HECW1: variants seen among roughly 807,000 people sequenced by gnomAD.
HECW1 encodes HECT, C2 and WW domain containing E3 ubiquitin protein ligase 1.
In HECW1, 61 loss-of-function variants were observed where a neutral mutation model predicts 182.3. The ratio of observed to expected loss-of-function variants is 0.33; its 90% confidence interval spans 0.27 to 0.41. HECW1 has a LOEUF of 0.41. Among genes scored for constraint, HECW1 ranks in the 10% least tolerant of loss-of-function variants. The probability of loss-of-function intolerance (pLI) is 1.00; values close to 1 mark genes in which losing one functional copy is unlikely to be tolerated. For synonymous variants in HECW1, 859 were observed against 832.6 expected (o/e 1.03, Z -0.55); for missense variants, 1,739 against 2,108.9 (o/e 0.82, Z 3.44).
chr7:43,178,556 A>G (rs769586000), intron 2 of HECW1, among the ~76,000 whole-genome samples: 5 of 152,346 alleles, frequency 3.3e-5, no homozygotes, highest in South Asian at 4.1e-4. Flanking sequence ...GCTGCTTTCT[A>G]TGATAGCTCA....
chr7:43,314,727 G>A (rs1456755687), intron 4 of HECW1, among the ~76,000 whole-genome samples: 3 of 152,136 alleles, frequency 2.0e-5, no homozygotes, highest in Non-Finnish European at 2.9e-5. Context: ...ACTTTCAACG[G>A]CATAGCATTT....
intron 26 of HECW1, among the ~76,000 whole-genome samples, chr7:43,546,616 CAA>C (rs3037095): frequency 0.21 from 28,873 of 136,426 alleles, 3,097 homozygotes; most frequent in Non-Finnish European, 0.26. Context: ...TGTCCAATAT[CAA>C]AAAAAAAAAA....
intron 28 of HECW1, among the ~76,000 whole-genome samples, chr7:43,554,372 CT>C (rs2081951074): frequency 1.3e-5 from 2 of 152,200 alleles, no homozygotes; most frequent in Admixed American, 1.3e-4. Flanking sequence ...ACATAAAGTC[CT>C]TTTATAAAAT....
At chr7:43,253,566 C>G (rs1310470591) in intron 3 of HECW1, among the ~76,000 whole-genome samples, 4 of 152,150 alleles carry the variant, frequency 2.6e-5, no homozygotes, top group African/African-American at 9.7e-5. Context: ...CTTTTAATAA[C>G]TCTGACTTAG....
intron 17 of HECW1, among the ~76,000 whole-genome samples, chr7:43,488,460 G>GAA (rs1338136062): frequency 2.1e-5 from 3 of 146,178 alleles, no homozygotes; most frequent in Non-Finnish European, 4.5e-5. Flanking sequence ...AAGAAAGAAA[G>GAA]AAAGAAAGAA....
chr7:43,175,735 A>G (rs1792164081), intron 2 of HECW1, among the ~76,000 whole-genome samples: 1 of 152,224 alleles, frequency 6.6e-6, no homozygotes, highest in Non-Finnish European at 1.5e-5. Context: ...CGAACAAGTC[A>G]TGAACGCACG....
intron 24 of HECW1, among the ~76,000 whole-genome samples, chr7:43,527,946 G>A (rs2080824323): frequency 6.6e-6 from 1 of 152,198 alleles, no homozygotes; most frequent in African/African-American, 2.4e-5. Context: ...GAGAACTAAT[G>A]ACTGAGGCTC....
intron 3 of HECW1, among the ~76,000 whole-genome samples, chr7:43,305,309 G>T (rs534960968): frequency 1.3e-5 from 2 of 152,222 alleles, no homozygotes; most frequent in African/African-American, 2.4e-5. Flanking sequence ...GAAGAAAAAA[G>T]TCCCTGTATT....
chr7:43,537,919 C>T (rs1032824510), intron 24 of HECW1, among the ~76,000 whole-genome samples: 2 of 152,188 alleles, frequency 1.3e-5, no homozygotes, highest in Non-Finnish European at 2.9e-5. Context: ...TGTTGGCAGT[C>T]TGCGCTGCAG....
chr7:43,423,675 G>GGTGAGCTGGAGCCAGCTCAT (rs1210357121), intron 8 of HECW1, among the ~76,000 whole-genome samples: 2 of 152,182 alleles, frequency 1.3e-5, no homozygotes, highest in African/African-American at 4.8e-5. Context: ...GGTGGTGGGT[G>GGTGAGCTGGAGCCAGCTCAT]GTGAGCTGGA....
At chr7:43,182,590 T>A (rs1254892066) in intron 2 of HECW1, among the ~76,000 whole-genome samples, 1 of 152,250 alleles carries the variant, frequency 6.6e-6, no homozygotes, top group Non-Finnish European at 1.5e-5. Flanking sequence ...AGTGGTATGA[T>A]GCCTCCAACT....
chr7:43,492,134 A>G lies in HECW1; in HGVS notation c.3294A>G (p.Leu1098=). 1 of 1,603,308 alleles carries G rather than the reference A, an allele frequency of 6.2e-7. No individual in the cohort carries two copies. The highest frequency in any genetic ancestry group is 8.5e-7 in the Non-Finnish European group (1 of 1,177,364). ...TACTGGCCAGGCCAGGACACAGCTT[A>G]GTAGCTGCTATTCGAAGCCAACATC... ...ASLLARPGHS[L]VAAIRSQHQH... Residue 1098 remains leucine, a synonymous_variant, in exon 18 of 30, where the codon TTA becomes TTG. Transcript: ENST00000395891.
intron 4 of HECW1, among the ~76,000 whole-genome samples, chr7:43,318,051 T>A (rs1809567295): frequency 6.6e-6 from 1 of 152,186 alleles, no homozygotes; most frequent in Non-Finnish European, 1.5e-5. Flanking sequence ...CACCAGTGTA[T>A]CCCCAGGGTT....
intron 12 of HECW1, among the ~76,000 whole-genome samples, chr7:43,452,479 A>G (rs2077266431): frequency 6.6e-6 from 1 of 152,246 alleles, no homozygotes; most frequent in South Asian, 2.1e-4. Context: ...AAAAATTGGT[A>G]ATGAATCCTA....
At chr7:43,192,605 C>T (rs1257776648) in intron 2 of HECW1, among the ~76,000 whole-genome samples, 1 of 152,084 alleles carries the variant, frequency 6.6e-6, no homozygotes, top group Non-Finnish European at 1.5e-5. Flanking sequence ...ATATTAATAA[C>T]TTACGCGTGC....
intron 2 of HECW1, among the ~76,000 whole-genome samples, chr7:43,139,174 C>T (rs746976123): frequency 9.9e-5 from 15 of 152,124 alleles, no homozygotes; most frequent in Non-Finnish European, 2.9e-5. Flanking sequence ...AAATACTGAC[C>T]TGACCCTAGG....
In HECW1 at chr7:43,450,704, A is replaced by G. The variant is rs73329806; in HGVS notation, c.2399-124A>G. 1,495 of 657,896 alleles carry G rather than the reference A, an allele frequency of 2.3e-3. 13 individuals are homozygous for G. The African/African-American group carries it at 0.024, about 10-fold the overall frequency. The allele number at this position is 657,896 out of a possible 1,614,324, so 40.8% of individuals were successfully genotyped here. On this transcript the variant is annotated intron_variant, in intron 11 of 29. Transcript: ENST00000395891. ...GTGAATGTAGCAAACTGACACACAC[A>G]CACAAATGGATTTCCCACTCTTTGG...
chr7:43,387,007 A>T (rs2074827241), intron 6 of HECW1, among the ~76,000 whole-genome samples: 1 of 152,156 alleles, frequency 6.6e-6, no homozygotes, highest in South Asian at 2.1e-4. Flanking sequence ...TGAGGTGTGT[A>T]TTTCAAATAG....
chr7:43,135,332 A>C (rs1268202986), intron 2 of HECW1, among the ~76,000 whole-genome samples: 2 of 151,656 alleles, frequency 1.3e-5, no homozygotes, highest in Non-Finnish European at 2.9e-5. Flanking sequence ...TTCACCTCTT[A>C]CTCTTCCTCT....
Sources: allele counts gnomAD v4.1 joint callset (sites outside exome capture counted in the v4.1 genomes callset), GRCh38; gene constraint gnomAD v4.1.1; transcripts MANE v1.5; gene names NCBI Gene and HGNC (gene_info 2026-07-23, HGNC 2026-07-21).